RNF4: variants seen among roughly 807,000 people sequenced by gnomAD.
RNF4 encodes ring finger protein 4.
RNF4 carries 7 observed loss-of-function variants against 24.3 expected under a neutral mutation model. That is an observed-to-expected ratio of 0.29 (90% CI 0.16 to 0.54). The LOEUF (loss-of-function observed/expected upper bound fraction) is 0.54, where lower values mean the gene tolerates loss of function less well. RNF4 is among the 20% of genes least tolerant of loss of function. The pLI is 0.95. For synonymous variants in RNF4, 83 were observed against 84.3 expected, an observed-to-expected ratio of 0.98 and a Z score of 0.09; for missense variants, 209 against 248.5, an observed-to-expected ratio of 0.84 and a Z score of 1.07.
At chr4:2,496,984 C>G (rs755309491) in intron 2 of RNF4, 23 bp from the exon 3 acceptor site, 6 of 1,550,842 alleles carry the variant, frequency 3.9e-6, no homozygotes, top group Middle Eastern at 1.7e-4. Context: ...TCATGTGACT[C>G]TTCTTTCCCC....
chr4:2,485,950 C>G (rs556335128), intron 1 of RNF4, among the ~76,000 whole-genome samples: 1 of 152,278 alleles, frequency 6.6e-6, no homozygotes, highest in South Asian at 2.1e-4. Context: ...TTTGAGAAAT[C>G]TGAAAAATCA....
In RNF4 at chr4:2,490,442, T is replaced by C; in HGVS notation, c.-52T>C. The C allele has an allele frequency of 1.2e-6, 2 of 1,602,926 alleles. No individual in the cohort carries two copies. Among genetic ancestry groups the C allele is most frequent in the Non-Finnish European group, 8.5e-7 (1 of 1,172,862 alleles). On this transcript the variant is annotated 5_prime_UTR_variant, in exon 2 of 8. Transcript: ENST00000314289. ...GAACATTTGACTTCCCTGCAAACCT[T>C]GGTATAGATCACTTCCTTTTCTGTA... is the stretch of plus-strand genomic sequence containing the variant.
chr4:2,478,574 T>C (rs1735153663), intron 1 of RNF4, among the ~76,000 whole-genome samples: 1 of 152,228 alleles, frequency 6.6e-6, no homozygotes, highest in Admixed American at 6.5e-5. Context: ...GGGGCCAACA[T>C]AGAGTAGAAC....
In RNF4 at chr4:2,469,215, C is replaced by T; in HGVS notation, c.-201C>T. On this transcript the variant is annotated 5_prime_UTR_variant, in exon 1 of 8. Coordinates refer to ENST00000314289, the MANE Select transcript of RNF4 (RefSeq NM_002938.5). ...GTGCGCCGGCGGTGGCGCCTGCGGA[C>T]CTAACTAGCTCCAGGTTAGGCCGAG... 6.6e-6 allele frequency: 1 copy of T among 152,196 alleles called. No homozygotes were observed. The highest frequency in any genetic ancestry group is 1.9e-4 in the East Asian group (1 of 5,172). The allele number at this position is 152,196 out of a possible 1,614,324, so 9.4% of individuals were successfully genotyped here.
chr4:2,479,834 C>T (rs968526367), intron 1 of RNF4: 2 of 152,100 alleles, frequency 1.3e-5, no homozygotes, highest in African/African-American at 4.8e-5. Flanking sequence ...GCTTCATTTC[C>T]CCCATCTCTG....
intron 1 of RNF4, among the ~76,000 whole-genome samples, chr4:2,477,457 T>C (rs1256392118): frequency 6.6e-6 from 1 of 152,128 alleles, no homozygotes; most frequent in African/African-American, 2.4e-5. Context: ...TGGTGGTACA[T>C]GCCTGTAGTT....
At chr4:2,485,723 C>A (rs1301494848) in intron 1 of RNF4, among the ~76,000 whole-genome samples, 1 of 152,158 alleles carries the variant, frequency 6.6e-6, no homozygotes, top group Non-Finnish European at 1.5e-5. Context: ...GCCATCAACA[C>A]CCCACTCTTA....
chr4:2,508,827 G>A (rs1736181620), intron 4 of RNF4, among the ~76,000 whole-genome samples: 1 of 149,466 alleles, frequency 6.7e-6, no homozygotes, highest in Non-Finnish European at 1.5e-5. Flanking sequence ...GGTCAGGCTG[G>A]TCTCAAACTC....
intron 4 of RNF4, among the ~76,000 whole-genome samples, chr4:2,507,440 A>G (rs761108769): frequency 7.4e-4 from 112 of 152,356 alleles, no homozygotes; most frequent in Admixed American, 4.0e-3. Context: ...CGCAAGTAAC[A>G]GGCATCAGTA....
At chr4:2,495,993 A>G (rs898893834) in intron 2 of RNF4, among the ~76,000 whole-genome samples, 3 of 152,236 alleles carry the variant, frequency 2.0e-5, no homozygotes, top group African/African-American at 7.2e-5. Flanking sequence ...CAGGCAGACC[A>G]GAAATGCTGG....
intron 1 of RNF4, 57 bp from the exon 2 acceptor site, chr4:2,490,280 C>A: frequency 1.8e-6 from 1 of 566,264 alleles, no homozygotes; most frequent in East Asian, 2.9e-5. Context: ...TTGAGCTCAG[C>A]TTTGTTTCAA....
chr4:2,512,177 A>G lies in RNF4; in HGVS notation c.214+212A>G. ...CACCACTATCATTGAGCACTGAGCTATAGTCCTTTCTTGTGGCCTACCAGA... is the reference window on the plus strand; with the variant it reads ...CACCACTATCATTGAGCACTGAGCTGTAGTCCTTTCTTGTGGCCTACCAGA... On this transcript the variant is annotated intron_variant, in intron 5 of 7. Coordinates refer to ENST00000314289, the MANE Select transcript of RNF4 (RefSeq NM_002938.5). The surrounding 1 kb of genome is among the most constrained non-coding windows in gnomAD (Gnocchi z 4.1). 1.6e-6 allele frequency: 1 copy of G among 641,918 alleles called. No homozygotes were observed. Among genetic ancestry groups the G allele is most frequent in the Non-Finnish European group, 2.7e-6 (1 of 367,714 alleles). 39.8% of individuals were successfully genotyped at this position (641,918 alleles called of 1,614,324 possible).
rs115267788 is a variant in RNF4, at chr4:2,498,922, C to T, written c.125-1737C>T. On this transcript the variant is annotated intron_variant, in intron 3 of 7. Transcript: ENST00000314289. ...ATAAAAGAAGTTACGTTGGGTTGGG[C>T]GCCATGGCTGGCTCCTATAATCCCA... 6.8e-3 allele frequency among the ~76,000 whole-genome samples: 1,037 copies of T among 151,994 alleles called. 13 individuals carry two copies. Among genetic ancestry groups the T allele is most frequent in the African/African-American group, 0.023 (959 of 41,480 alleles).
At chr4:2,481,480 G>A (rs1465979670) in intron 1 of RNF4, among the ~76,000 whole-genome samples, 1 of 152,116 alleles carries the variant, frequency 6.6e-6, no homozygotes, top group Non-Finnish European at 1.5e-5. Context: ...TAAAGACTTT[G>A]ACCTATGTTC....
At chr4:2,470,075 A>T (rs704349) in intron 1 of RNF4, 1 of 152,308 alleles carries the variant, frequency 6.6e-6, no homozygotes, top group East Asian at 1.9e-4. Flanking sequence ...TTCACTTGTC[A>T]GTTCCCATAG....
chr4:2,473,305 G>A (rs2108747359), intron 1 of RNF4, among the ~76,000 whole-genome samples: 1 of 151,436 alleles, frequency 6.6e-6, no homozygotes, highest in East Asian at 2.0e-4. Context: ...AATCGCTTGG[G>A]CCCAGGAGGT....
intron 1 of RNF4, among the ~76,000 whole-genome samples, chr4:2,478,694 G>A (rs894349109): frequency 6.6e-6 from 1 of 152,258 alleles, no homozygotes; most frequent in African/African-American, 2.4e-5. Flanking sequence ...ACCTCCACTA[G>A]ATTTCAGAGG....
At chr4:2,513,584 A>G in intron 7 of RNF4, 86 bp from the exon 8 acceptor site, 2 of 1,514,538 alleles carry the variant, frequency 1.3e-6, no homozygotes, top group Non-Finnish European at 1.8e-6. Context: ...TAGTCATCTT[A>G]GGCATAGGTG....
intron 1 of RNF4, among the ~76,000 whole-genome samples, chr4:2,484,067 TC>T (rs56727538): frequency 0.01 from 136 of 13,282 alleles, 56 homozygotes; most frequent in East Asian, 0.071. Flanking sequence ...CCTCAGGTGA[TC>T]CCCCCCCGCC....
Sources: gnomAD v4.1 joint callset for allele counts (sites outside exome capture counted in the v4.1 genomes callset) on GRCh38, gnomAD v4.1.1 for gene constraint, Gnocchi (gnomAD v3.1) non-coding constraint, MANE v1.5 for transcripts, NCBI Gene and HGNC (gene_info 2026-07-23, HGNC 2026-07-21) for gene names.